The following PRX variants were observed in gnomAD, a reference collection of about 807,000 sequenced individuals.
PRX encodes the protein periaxin.
Under a neutral mutation model 29.6 loss-of-function variants are expected in PRX, and 24 were observed. The ratio of observed to expected loss-of-function variants is 0.81; its 90% confidence interval spans 0.59 to 1.14. The LOEUF is 1.14. PRX is among the 50% of genes most tolerant of loss of function. The pLI is 0.00. For synonymous variants in PRX, 772 were observed against 831.7 expected, an observed-to-expected ratio of 0.93 and a Z score of 1.24; for missense variants, 1,838 against 1,926.4, an observed-to-expected ratio of 0.95 and a Z score of 0.86.
Position 40,397,716 on chromosome 19 carries a change from A to T in PRX, c.636T>A (p.Pro212=). ...CCTCCACCTTGGCTTTCCTGGGGGG[A>T]GGAGCGGCGGCGGCCAGCCGGGCTG... ...AQAARLAAAA[P]PPRKAKVEAE... The change falls in exon 7 of 7, where the codon CCT becomes CCA. Residue 212 remains proline (P), a synonymous_variant. Transcript: ENST00000324001. 6.4e-7 allele frequency: 1 copy of T among 1,560,242 alleles called. No individual in the cohort carries two copies. The highest frequency in any genetic ancestry group is 8.6e-7 in the Non-Finnish European group (1 of 1,156,758).
rs1490763427 is a variant in PRX, at chr19:40,408,386, A to C, written c.-242-3T>G. ...TTGGGCCTCCTGGGTCCGGCGCTCT[A>C]AGAAGAATAATGTGAGCAGTGTTAT... is the stretch of plus-strand genomic sequence containing the variant. On this transcript the variant is annotated splice_polypyrimidine_tract_variant and splice_region_variant and intron_variant, in intron 1 of 6. Coordinates refer to ENST00000324001, the MANE Select transcript of PRX (RefSeq NM_181882.3). 7.0e-6 allele frequency: 2 copies of C among 287,688 alleles called. No homozygotes were observed. The highest frequency in any genetic ancestry group is 6.8e-6 in the Non-Finnish European group (1 of 146,160). The allele number at this position is 287,688 out of a possible 1,614,324, so 17.8% of individuals were successfully genotyped here. A position where few individuals can be genotyped will look rare whatever the true frequency, so the allele number is the denominator to read the frequency against.
chr19:40,402,331 G>A (rs2079500874), intron 5 of PRX, among the ~76,000 whole-genome samples: 1 of 151,778 alleles, frequency 6.6e-6, no homozygotes. Context: ...TCCAGCCTGG[G>A]AGACAGAGCA....
intron 5 of PRX, among the ~76,000 whole-genome samples, chr19:40,401,744 C>G (rs1187345804): frequency 4.6e-5 from 7 of 151,136 alleles, no homozygotes; most frequent in Admixed American, 4.0e-4. Context: ...CCTCCTTTAG[C>G]CTTTTCACCC....
Position 40,393,911 on chromosome 19 carries a change from C to G in PRX, c.*55G>C. ...TTAGTGCTAGTTATCACACACACAA[C>G]AGCGAGGGGGTAGAGAAAGGAAGGC... On this transcript the variant is annotated 3_prime_UTR_variant, in exon 7 of 7. Transcript: ENST00000324001. 6.2e-7 allele frequency: 1 copy of G among 1,600,514 alleles called. No individual in the cohort carries two copies. Among genetic ancestry groups the G allele is most frequent in the Non-Finnish European group, 8.5e-7 (1 of 1,179,470 alleles).
chr19:40,398,378 G>A lies in PRX; in HGVS notation c.381+242C>T. On this transcript the variant is annotated intron_variant, in intron 6 of 6. Transcript: ENST00000324001. The surrounding 1 kb of genome is among the most constrained non-coding windows in gnomAD (Gnocchi z 6.3). ...TAGCCTGGTTCAGGACCCCTAGCAA[G>A]CCTGGATCCGATGGTGGGGACGCCT... 1.4e-6 allele frequency: 2 copies of A among 1,442,662 alleles called. No homozygotes were observed. The highest frequency in any genetic ancestry group is 1.8e-6 in the Non-Finnish European group (2 of 1,103,866). The allele number at this position is 1,442,662 out of a possible 1,614,324, so 89.4% of individuals were successfully genotyped here.
At chr19:40,409,716 C>T (rs1202025303) in intron 1 of PRX, among the ~76,000 whole-genome samples, 2 of 152,128 alleles carry the variant, frequency 1.3e-5, no homozygotes, top group Admixed American at 1.3e-4. Flanking sequence ...AGGTGATCCA[C>T]CTGCCTCAGC....
At chr19:40,410,731 C>T (rs916026104) in intron 1 of PRX, among the ~76,000 whole-genome samples, 2 of 152,098 alleles carry the variant, frequency 1.3e-5, no homozygotes, top group African/African-American at 4.8e-5. Context: ...ATTAGCCAGG[C>T]GTGGCAGCGC....
At chr19:40,414,518 C>T (rs1042372904), upstream of PRX, among the ~76,000 whole-genome samples, 36 of 152,140 alleles carry the variant, frequency 2.4e-4, no homozygotes, top group African/African-American at 8.4e-4. Flanking sequence ...ACTCTTCTGC[C>T]CCTTCCACTT....
chr19:40,411,174 C>T (rs1465574581), intron 1 of PRX, among the ~76,000 whole-genome samples: 1 of 152,210 alleles, frequency 6.6e-6, no homozygotes, highest in East Asian at 1.9e-4. Context: ...CCTTAATTTG[C>T]ATTGGTGGCT....
intron 5 of PRX, among the ~76,000 whole-genome samples, chr19:40,400,171 G>A (rs2079483924): frequency 6.7e-6 from 1 of 150,114 alleles, no homozygotes; most frequent in Non-Finnish European, 1.5e-5. Context: ...TAGTAGAGAC[G>A]GGGTTTCTCC....
chr19:40,410,066 C>T lies in PRX; in HGVS notation c.-242-1683G>A, dbSNP rs367895547. ...CCCGTGCTAAGACCTTCACCTTCTA[C>T]TTCACCTCGGAAAACCCCATTTCCT... On this transcript the variant is annotated intron_variant, in intron 1 of 6. Coordinates refer to ENST00000324001, the MANE Select transcript of PRX (RefSeq NM_181882.3). Among the ~76,000 whole-genome samples the T allele has an allele frequency of 2.0e-4, 31 of 152,306 alleles. 1 individual carries two copies. In the South Asian group the frequency reaches 6.2e-3, roughly 30 times the overall value.
chr19:40,410,732 G>A (rs138158919), intron 1 of PRX, among the ~76,000 whole-genome samples: 66 of 152,280 alleles, frequency 4.3e-4, no homozygotes, highest in Non-Finnish European at 6.0e-4. Flanking sequence ...TTAGCCAGGC[G>A]TGGCAGCGCG....
chr19:40,408,801 T>TTTG (rs375665420), intron 1 of PRX, among the ~76,000 whole-genome samples: 22 of 141,022 alleles, frequency 1.6e-4, no homozygotes, highest in African/African-American at 6.4e-4. Context: ...CGGCTACGTT[T>TTTG]TTGTTGTTGT....
chr19:40,405,626 C>CTTTT (rs1167458782), intron 4 of PRX, among the ~76,000 whole-genome samples: 6 of 74,434 alleles, frequency 8.1e-5, no homozygotes, highest in Non-Finnish European at 1.2e-4. Flanking sequence ...TGCAGAATCT[C>CTTTT]TTTTTTTTTT....
intron 5 of PRX, among the ~76,000 whole-genome samples, chr19:40,399,051 C>T (rs908261786): frequency 1.3e-5 from 2 of 152,076 alleles, no homozygotes; most frequent in African/African-American, 4.8e-5. Context: ...CCTTGTCGCT[C>T]CCCTACCCAT....
chr19:40,402,644 G>A (rs151325878), intron 5 of PRX, among the ~76,000 whole-genome samples: 15,100 of 150,972 alleles, frequency 0.1, 787 homozygotes, highest in South Asian at 0.14. Flanking sequence ...GGTTGTGGGC[G>A]CCTGTAGTCC....
In PRX at chr19:40,396,137, C is replaced by A. The variant is rs779294844; in HGVS notation, c.2215G>T (p.Asp739Tyr). The A allele has an allele frequency of 1.2e-6, 2 of 1,613,832 alleles. No individual in the cohort carries two copies. The highest frequency in any genetic ancestry group is 3.3e-5 in the Admixed American group (2 of 60,008). The part of the protein sequence containing the change: ...LPKVPEMAVP[D>Y]VHLPEVQLPK... Reference sequence around the variant, plus strand: ...AGCTGCACCTCGGGGAGGTGCACATCGGGCACAGCCATCTCAGGCACCTTG... The same window carrying A: ...AGCTGCACCTCGGGGAGGTGCACATAGGGCACAGCCATCTCAGGCACCTTG... Residue 739 changes from aspartate to tyrosine, a missense_variant, in exon 7 of 7, where the codon GAT becomes TAT. By Grantham distance (160) the Asp-to-Tyr change is radical. Around this residue, in one of 3 missense-constraint regions of PRX, gnomAD observed 1,143 missense variants for 1,193.0 expected, o/e 0.96. Transcript: ENST00000324001.
chr19:40,407,163 T>C (rs2079534914), intron 4 of PRX, among the ~76,000 whole-genome samples: 1 of 151,464 alleles, frequency 6.6e-6, no homozygotes, highest in Middle Eastern at 3.4e-3. Context: ...GGGTTGGGAT[T>C]TGAGCCATGG....
chr19:40,393,947 C>A lies in PRX; in HGVS notation c.*19G>T, dbSNP rs769535945. 6.2e-6 allele frequency: 10 copies of A among 1,608,966 alleles called. No individual in the cohort carries two copies. Among genetic ancestry groups the A allele is most frequent in the Non-Finnish European group, 8.5e-6 (10 of 1,179,720 alleles). On this transcript the variant is annotated 3_prime_UTR_variant, in exon 7 of 7. Transcript: ENST00000324001. ...TAGAGAAAGGAAGGCAAGAAGGGAT[C>A]CCCATCTGACTAGGGGCTTCAGACA...
Sources: gnomAD v4.1 joint callset for allele counts (sites outside exome capture counted in the v4.1 genomes callset) on GRCh38, gnomAD v4.1.1 for gene constraint, gnomAD v4.1.1 regional missense constraint, Gnocchi (gnomAD v3.1) non-coding constraint, MANE v1.5 for transcripts, NCBI Gene and HGNC (gene_info 2026-07-23, HGNC 2026-07-21) for gene names.